PRIM2: variants seen among roughly 807,000 people sequenced by gnomAD.
PRIM2 encodes DNA primase large subunit.
A neutral mutation model predicts 67.3 loss-of-function variants in PRIM2; 39 were observed. The ratio of observed to expected loss-of-function variants is 0.58; its 90% CI spans 0.45 to 0.76. The LOEUF (loss-of-function observed/expected upper bound fraction) is 0.76, where lower values mean the gene tolerates loss of function less well. PRIM2 is among the 30% of genes least tolerant of loss of function. PRIM2 has a pLI of 0.00. For synonymous variants in PRIM2, 143 were observed against 198.7 expected, an observed-to-expected ratio of 0.72 and a Z score of 2.36; for missense variants, 398 against 598.7, an observed-to-expected ratio of 0.66 and a Z score of 3.50.
intron 7 of PRIM2, among the ~76,000 whole-genome samples, chr6:57,474,173 CTTTTTTTTTTTTTTTTT>C (rs1158188964): frequency 1.6e-5 from 1 of 63,914 alleles, no homozygotes; most frequent in Non-Finnish European, 2.7e-5. Flanking sequence ...ATTCTGCTAT[CTTTTTTTTTTTTTTTTT>C]TTTTTTTTTT....
upstream of PRIM2, among the ~76,000 whole-genome samples, chr6:57,313,696 CT>C (rs1486066560): frequency 6.6e-6 from 1 of 152,170 alleles, no homozygotes; most frequent in Admixed American, 6.5e-5. Context: ...TATGGGTCAG[CT>C]ATCTTGCTGG....
At chr6:57,239,043 T>G in the PRIM2 span, among the ~76,000 whole-genome samples, 1 of 152,054 alleles carries the variant, frequency 6.6e-6, no homozygotes, top group African/African-American at 2.4e-5. Flanking sequence ...CAGGCTGGAG[T>G]ACAGTGGCAT....
intron 5 of PRIM2, among the ~76,000 whole-genome samples, chr6:57,370,494 A>G (rs904411460): frequency 1.3e-5 from 2 of 152,208 alleles, no homozygotes; most frequent in African/African-American, 2.4e-5. Context: ...ATAACTAAAT[A>G]GATAAATGAA....
At chr6:57,495,992 TG>T (rs1207349198) in intron 7 of PRIM2, among the ~76,000 whole-genome samples, 30 of 152,298 alleles carry the variant, frequency 2.0e-4, no homozygotes, top group African/African-American at 6.7e-4. Flanking sequence ...GCAGTCCTCT[TG>T]CCTGGGCCTC....
chr6:57,452,962 A>G (rs1395649959), intron 7 of PRIM2, among the ~76,000 whole-genome samples: 9 of 152,164 alleles, frequency 5.9e-5, no homozygotes, highest in Non-Finnish European at 1.0e-4. Context: ...TAATTTTAGT[A>G]TACAGTGTAA....
rs1198968438 is a variant in PRIM2, at chr6:57,513,587, A to C, written c.761+6133A>C. Among the ~76,000 whole-genome samples, 39 of 152,264 alleles carry C rather than the reference A, an allele frequency of 2.6e-4. 2 individuals carry two copies. In the East Asian group the frequency reaches 4.8e-3, roughly 19 times the overall value. On this transcript the variant is annotated intron_variant, in intron 8 of 13. Transcript: ENST00000615550. ...GTGCATTGGGGGACAGCATATTATA[A>C]GTCACTGTAATAGTTGCTATTATTG... is the stretch of plus-strand genomic sequence containing the variant.
chr6:57,590,409 A>C (rs1268572940), intron 10 of PRIM2, among the ~76,000 whole-genome samples: 1 of 152,352 alleles, frequency 6.6e-6, no homozygotes, highest in South Asian at 2.1e-4. Context: ...CCAGTATAGA[A>C]CTGGGCTTAA....
At chr6:57,360,606 G>A (rs532664475) in intron 5 of PRIM2, among the ~76,000 whole-genome samples, 10 of 152,276 alleles carry the variant, frequency 6.6e-5, no homozygotes, top group Middle Eastern at 3.4e-3. Context: ...TGGGAGTATC[G>A]TGGATGAATA....
chr6:57,330,129 T>C (rs923875097), intron 5 of PRIM2, among the ~76,000 whole-genome samples: 1 of 152,164 alleles, frequency 6.6e-6, no homozygotes, highest in Non-Finnish European at 1.5e-5. Flanking sequence ...AGTCTTCCAA[T>C]CCATGAACAT....
chr6:57,256,978 C>A, the PRIM2 span, among the ~76,000 whole-genome samples: 1 of 152,218 alleles, frequency 6.6e-6, no homozygotes, highest in Non-Finnish European at 1.5e-5. Context: ...GAAAAAAACC[C>A]TAATCTTTCT....
chr6:57,339,409 G>C (rs1768389434), intron 5 of PRIM2, among the ~76,000 whole-genome samples: 2 of 152,024 alleles, frequency 1.3e-5, no homozygotes, highest in African/African-American at 4.8e-5. Context: ...TCAATCCTAA[G>C]CCAAAAGAAC....
intron 5 of PRIM2, among the ~76,000 whole-genome samples, chr6:57,331,726 A>G (rs1391152746): frequency 1.3e-5 from 2 of 152,032 alleles, no homozygotes; most frequent in Non-Finnish European, 2.9e-5. Flanking sequence ...TTCTTTAAGA[A>G]AATAAAAGGA....
At chr6:57,588,635 T>C (rs1776235763) in intron 10 of PRIM2, among the ~76,000 whole-genome samples, 1 of 151,966 alleles carries the variant, frequency 6.6e-6, no homozygotes. Context: ...ATTGTGGAGC[T>C]TGCTGTGAGT....
intron 7 of PRIM2, among the ~76,000 whole-genome samples, chr6:57,458,421 C>T (rs181354895): frequency 1.7e-3 from 260 of 152,282 alleles, no homozygotes; most frequent in Non-Finnish European, 2.7e-3. Flanking sequence ...TTGTGACTCA[C>T]GCCTGTAATC....
At chr6:57,318,705 C>T in intron 2 of PRIM2, 106 bp downstream of exon 2, 10 of 920,896 alleles carry the variant, frequency 1.1e-5, no homozygotes, top group South Asian at 1.7e-5. Flanking sequence ...ATCCATTCAA[C>T]AAGTATTTAT....
At chr6:57,529,925 ACT>A (rs1774850612) in intron 8 of PRIM2, among the ~76,000 whole-genome samples, 1 of 151,690 alleles carries the variant, frequency 6.6e-6, no homozygotes, top group South Asian at 2.1e-4. Flanking sequence ...GCTGGTGGGG[ACT>A]CTCTGAAGAG....
intron 7 of PRIM2, among the ~76,000 whole-genome samples, chr6:57,470,898 A>G (rs1332741062): frequency 6.6e-6 from 1 of 152,116 alleles, no homozygotes; most frequent in African/African-American, 2.4e-5. Flanking sequence ...GTACGTATAC[A>G]CTTCAGAGGT....
At chr6:57,273,873 G>C in the PRIM2 span, among the ~76,000 whole-genome samples, 1 of 152,180 alleles carries the variant, frequency 6.6e-6, no homozygotes, top group African/African-American at 2.4e-5. Flanking sequence ...CAGGTCTGTT[G>C]GCGTTTGCTA....
chr6:57,243,100 T>C, the PRIM2 span, among the ~76,000 whole-genome samples: 1 of 152,250 alleles, frequency 6.6e-6, no homozygotes, highest in Admixed American at 6.5e-5. Context: ...CAATCTATAA[T>C]TCTTCATTCA....
Sources: gnomAD v4.1 joint callset for allele counts (sites outside exome capture counted in the v4.1 genomes callset) on GRCh38, gnomAD v4.1.1 for gene constraint, MANE v1.5 for transcripts, NCBI Gene and HGNC (gene_info 2026-07-23, HGNC 2026-07-21) for gene names.